Variants in TMEM38A observed in about 807,000 individuals in gnomAD.
TMEM38A encodes the protein trimeric intracellular cation channel type A.
TMEM38A carries 17 observed loss-of-function variants against 28.6 expected under a neutral mutation model. The observed-to-expected ratio is 0.60, with a 90% confidence interval of 0.41 to 0.89. The LOEUF is 0.89. Ranked by LOEUF, TMEM38A falls within the 40% of genes least tolerant of loss-of-function variation. The pLI is 0.00. For missense variants in TMEM38A, 328 were observed against 393.1 expected, an observed-to-expected ratio of 0.83 and a Z score of 1.40; for synonymous variants, 169 against 166.1, an observed-to-expected ratio of 1.02 and a Z score of -0.14.
intron 3 of TMEM38A, among the ~76,000 whole-genome samples, chr19:16,681,174 G>A (rs2086780528): frequency 6.6e-6 from 1 of 152,166 alleles, no homozygotes; most frequent in Non-Finnish European, 1.5e-5. Flanking sequence ...TGTAGTTCTA[G>A]CTACTCAGGA....
At chr19:16,679,251 T>TCG (rs1408107862) in intron 1 of TMEM38A, among the ~76,000 whole-genome samples, 1 of 126,612 alleles carries the variant, frequency 7.9e-6, no homozygotes, top group Non-Finnish European at 1.7e-5. Flanking sequence ...TTCTTTTGTT[T>TCG]CGTGTGTGTG....
chr19:16,682,728 T>C (rs1250839645), intron 4 of TMEM38A, among the ~76,000 whole-genome samples: 1 of 151,986 alleles, frequency 6.6e-6, no homozygotes. Flanking sequence ...AATACCTGAT[T>C]GGGGTTTTGA....
At chr19:16,662,076 T>C (rs2086684538) in intron 1 of TMEM38A, among the ~76,000 whole-genome samples, 2 of 152,154 alleles carry the variant, frequency 1.3e-5, no homozygotes, top group African/African-American at 4.8e-5. Flanking sequence ...ATGGCTTCCT[T>C]AGAACGTGTT....
intron 5 of TMEM38A, among the ~76,000 whole-genome samples, chr19:16,686,762 TGAGTTGACATCACCCCACCCAG>T (rs1272020920): frequency 6.6e-6 from 1 of 152,084 alleles, no homozygotes; most frequent in Non-Finnish European, 1.5e-5. Context: ...AGTCATGCCT[TGAGTTGACATCACCCCACCCAG>T]GAGGGGTCTT....
At chr19:16,668,719 ACCCC>A (rs887442238) in intron 1 of TMEM38A, among the ~76,000 whole-genome samples, 22 of 151,764 alleles carry the variant, frequency 1.4e-4, no homozygotes, top group Non-Finnish European at 2.4e-4. Context: ...TGCAGTATGT[ACCCC>A]TTTCAGACTG....
At chr19:16,672,665 G>T (rs566387041) in intron 1 of TMEM38A, among the ~76,000 whole-genome samples, 3 of 152,088 alleles carry the variant, frequency 2.0e-5, no homozygotes, top group African/African-American at 7.2e-5. Context: ...GGCTAGGCTG[G>T]TCTCGAACTC....
At position 16,688,327 on chromosome 19, in the gene TMEM38A, T is replaced by C. The variant is rs2122603596; in HGVS notation, c.856T>C (p.Leu286=). Residue 286 remains leucine (L), a synonymous_variant, in exon 6 of 6, where the codon TTG becomes CTG. Coordinates refer to ENST00000187762, the MANE Select transcript of TMEM38A (RefSeq NM_024074.4). ...CATGCCCGCCAAGTCCAAGGAGGAGTTGAGCGAGGGCTCCAGGAAGAAGAA... is the reference window on the plus strand; with the variant it reads ...CATGCCCGCCAAGTCCAAGGAGGAGCTGAGCGAGGGCTCCAGGAAGAAGAA... The part of the protein sequence containing the change: ...SAMPAKSKEE[L]SEGSRKKKAK... 1.2e-6 allele frequency: 2 copies of C among 1,604,474 alleles called. No homozygotes were observed. The highest frequency in any genetic ancestry group is 2.3e-5 in the East Asian group (1 of 44,070).
At chr19:16,687,667 G>A (rs557430596) in intron 5 of TMEM38A, among the ~76,000 whole-genome samples, 5 of 152,288 alleles carry the variant, frequency 3.3e-5, no homozygotes, top group African/African-American at 1.2e-4. Flanking sequence ...TCGCATGGTG[G>A]AAGGGACTGG....
intron 3 of TMEM38A, among the ~76,000 whole-genome samples, chr19:16,681,910 A>G (rs1008555464): frequency 6.6e-6 from 1 of 152,166 alleles, no homozygotes; most frequent in Non-Finnish European, 1.5e-5. Flanking sequence ...TTTAGGGTAA[A>G]TGGGAAGATT....
chr19:16,687,190 G>A (rs2086805426), intron 5 of TMEM38A, among the ~76,000 whole-genome samples: 1 of 152,166 alleles, frequency 6.6e-6, no homozygotes, highest in Non-Finnish European at 1.5e-5. Flanking sequence ...AAATTAGCCA[G>A]GCGTGGGGTC....
At chr19:16,668,487 G>A (rs907575731) in intron 1 of TMEM38A, among the ~76,000 whole-genome samples, 6 of 148,270 alleles carry the variant, frequency 4.0e-5, no homozygotes, top group African/African-American at 1.3e-4. Context: ...GGCGGAGGTT[G>A]CAGTGACTCT....
chr19:16,664,514 T>C (rs1214701082), intron 1 of TMEM38A, among the ~76,000 whole-genome samples: 1 of 152,150 alleles, frequency 6.6e-6, no homozygotes, highest in Non-Finnish European at 1.5e-5. Context: ...TAAATTTTCT[T>C]CTCAGAATTT....
chr19:16,676,903 G>A (rs1430772031), intron 1 of TMEM38A, among the ~76,000 whole-genome samples: 10 of 151,390 alleles, frequency 6.6e-5, no homozygotes, highest in Non-Finnish European at 1.3e-4. Flanking sequence ...TGAGATTAAA[G>A]GCGCCCACCA....
At chr19:16,686,210 CA>C (rs760585687) in intron 4 of TMEM38A, 77 bp from the exon 5 acceptor site, 175 of 1,005,938 alleles carry the variant, frequency 1.7e-4, no homozygotes, top group Non-Finnish European at 2.5e-5. Flanking sequence ...GGTGCCAGGG[CA>C]GGGGGGTGTC....
At chr19:16,684,887 A>C (rs1212638295) in intron 4 of TMEM38A, among the ~76,000 whole-genome samples, 2 of 151,572 alleles carry the variant, frequency 1.3e-5, no homozygotes, top group Non-Finnish European at 2.9e-5. Context: ...AAAAAAAAAA[A>C]AAAACTTAAA....
At chr19:16,676,461 T>C (rs192571567) in intron 1 of TMEM38A, among the ~76,000 whole-genome samples, 1 of 152,284 alleles carries the variant, frequency 6.6e-6, no homozygotes, top group Admixed American at 6.5e-5. Flanking sequence ...GAATCGTTGG[T>C]TTTGGCTCTG....
Position 16,680,508 on chromosome 19 carries a change from G to C in TMEM38A, c.393G>C (p.Ala131=), listed in dbSNP as rs200052295. The change falls in exon 3 of 6, where the codon GCG becomes GCC. Residue 131 remains alanine (A), a synonymous_variant. Coordinates refer to ENST00000187762, the MANE Select transcript of TMEM38A (RefSeq NM_024074.4). ...AGGTGGTGCGAGTCCGCAAGATCGC[G>C]GTGGGCATCCATCACGCCCATCACC... The part of the protein sequence containing the change: ...MKEVVRVRKI[A]VGIHHAHHHY... 6.8e-6 allele frequency: 11 copies of C among 1,614,176 alleles called. No individual in the cohort carries two copies. The highest frequency in any genetic ancestry group is 5.0e-5 in the Admixed American group (3 of 60,014).
intron 1 of TMEM38A, among the ~76,000 whole-genome samples, chr19:16,667,172 G>A (rs1489117012): frequency 1.3e-5 from 2 of 151,828 alleles, no homozygotes; most frequent in Admixed American, 6.6e-5. Flanking sequence ...AGGAGGCTGA[G>A]GCAGGAGAAT....
At chr19:16,667,937 G>A (rs1048965825) in intron 1 of TMEM38A, among the ~76,000 whole-genome samples, 4 of 151,676 alleles carry the variant, frequency 2.6e-5, no homozygotes, top group African/African-American at 9.7e-5. Context: ...GGTCAGGCAT[G>A]GTGGCTCACG....
Sources: gnomAD v4.1 joint callset for allele counts (sites outside exome capture counted in the v4.1 genomes callset) on GRCh38, gnomAD v4.1.1 for gene constraint, MANE v1.5 for transcripts, NCBI Gene and HGNC (gene_info 2026-07-23, HGNC 2026-07-21) for gene names.